GSTA1: variants seen among roughly 807,000 people sequenced by gnomAD.
GSTA1 encodes the protein glutathione S-transferase alpha 1.
In GSTA1, 23 loss-of-function variants were observed where a neutral mutation model predicts 21.5. The observed-to-expected ratio is 1.07, with a 90% CI of 0.77 to 1.52. The LOEUF (loss-of-function observed/expected upper bound fraction) is 1.52. Among genes scored for constraint, GSTA1 ranks in the 40% most tolerant of loss-of-function variants. The probability of loss-of-function intolerance (pLI) is 0.00; values close to 1 mark genes in which losing one functional copy is unlikely to be tolerated. For synonymous variants in GSTA1, 125 were observed against 90.0 expected (o/e 1.39, Z -2.20); for missense variants, 301 against 264.2 (o/e 1.14, Z -0.96).
intron 1 of GSTA1, among the ~76,000 whole-genome samples, chr6:52,802,578 T>C (rs1338566657): frequency 6.6e-6 from 1 of 152,218 alleles, no homozygotes; most frequent in Non-Finnish European, 1.5e-5. Flanking sequence ...GGATCCTCTT[T>C]CTTTGATCTA....
chr6:52,800,141 G>C (rs540178281), intron 1 of GSTA1, among the ~76,000 whole-genome samples: 9 of 152,314 alleles, frequency 5.9e-5, no homozygotes, highest in African/African-American at 1.4e-4. Context: ...GCTAGCATTT[G>C]TTCAACATCA....
At chr6:52,803,276 G>C (rs1300091181) in intron 1 of GSTA1, among the ~76,000 whole-genome samples, 1 of 152,260 alleles carries the variant, frequency 6.6e-6, no homozygotes, top group East Asian at 1.9e-4. Flanking sequence ...GACAGAATAT[G>C]ACTTGTCTTT....
At chr6:52,798,592 T>A (rs1763640483) in intron 2 of GSTA1, among the ~76,000 whole-genome samples, 1 of 115,540 alleles carries the variant, frequency 8.7e-6, no homozygotes, top group Non-Finnish European at 1.7e-5. Context: ...TTTTTTATTG[T>A]GGAAATTATG....
At position 52,796,574 on chromosome 6, in the gene GSTA1, C is replaced by A. The variant is rs1345813026; in HGVS notation, c.140-260G>T. Among the ~76,000 whole-genome samples, 11 of 111,918 alleles carry A rather than the reference C, an allele frequency of 9.8e-5. No homozygotes were observed. In the East Asian group the frequency reaches 1.3e-3, roughly 13 times the overall value. 73.4% of individuals were successfully genotyped at this position (111,918 alleles called of 152,430 possible). ...TTTTTTTTTTTTTTTGGCAGAGTAT[C>A]ATTCTGTCACCCAGGCTGGAGTGGA... On this transcript the variant is annotated intron_variant, in intron 3 of 6. Coordinates refer to ENST00000334575, the MANE Select transcript of GSTA1 (RefSeq NM_145740.5).
At chr6:52,800,484 G>C (rs1007073713) in intron 1 of GSTA1, among the ~76,000 whole-genome samples, 1 of 152,216 alleles carries the variant, frequency 6.6e-6, no homozygotes, top group Non-Finnish European at 1.5e-5. Flanking sequence ...TGAGTTGTTA[G>C]TTTCAGTTAT....
At chr6:52,794,540 C>T (rs976262155) in intron 4 of GSTA1, among the ~76,000 whole-genome samples, 5 of 152,166 alleles carry the variant, frequency 3.3e-5, no homozygotes, top group Non-Finnish European at 5.9e-5. Context: ...GAGAAATTGG[C>T]AGAATCACTG....
At chr6:52,795,670 C>T (rs1177658519) in intron 4 of GSTA1, among the ~76,000 whole-genome samples, 3 of 152,184 alleles carry the variant, frequency 2.0e-5, no homozygotes, top group Non-Finnish European at 2.9e-5. Flanking sequence ...GTAACCCCAG[C>T]ATCCTTGGTG....
intron 4 of GSTA1, among the ~76,000 whole-genome samples, 164 bp from the exon 5 acceptor site, chr6:52,794,430 A>C (rs1192765002): frequency 6.6e-6 from 1 of 152,178 alleles, no homozygotes. Flanking sequence ...CAGGTATATT[A>C]ACATTTATCT....
rs779346752 is a variant in GSTA1 at position 52,791,906 on chromosome 6, G to A, written c.621C>T (p.Pro207=). 6.2e-7 allele frequency: 1 copy of A among 1,613,944 alleles called. No homozygotes were observed. The highest frequency in any genetic ancestry group is 8.5e-7 in the Non-Finnish European group (1 of 1,179,862). ...CTTCTTCTAAAGATTTCTCATCCATGGGAGGCTTCCTTGGGCTGCCAGGCT... is the reference window on the plus strand; with the variant it reads ...CTTCTTCTAAAGATTTCTCATCCATAGGAGGCTTCCTTGGGCTGCCAGGCT... The part of the protein sequence containing the change: ...FLQPGSPRKP[P]MDEKSLEEAR... Residue 207 remains proline, a synonymous_variant, in exon 7 of 7, where the codon CCC becomes CCT. Transcript: ENST00000334575.
In GSTA1 at chr6:52,791,883, T is replaced by G. The variant is rs1475165143; in HGVS notation, c.644A>C (p.Glu215Ala). 1.2e-6 allele frequency: 2 copies of G among 1,613,900 alleles called. No homozygotes were observed. The highest frequency in any genetic ancestry group is 1.3e-5 in the African/African-American group (1 of 74,928). ...TTAAAACCTGAAAATCTTCCTTGCT[T>G]CTTCTAAAGATTTCTCATCCATGGG... is the stretch of plus-strand genomic sequence containing the variant. ...KPPMDEKSLEEARKIFRF is the reference protein window; with the variant it reads ...KPPMDEKSLEAARKIFRF The change falls in exon 7 of 7, where the codon GAA becomes GCA. Residue 215 changes from glutamate to alanine, a missense_variant. Coordinates refer to ENST00000334575, the MANE Select transcript of GSTA1 (RefSeq NM_145740.5).
rs1208952519 is a variant in GSTA1 at position 52,799,211 on chromosome 6, G to C, written c.57C>G (p.Thr19=). The change falls in exon 2 of 7, where the codon ACC becomes ACG. Residue 19 remains threonine (T), a synonymous_variant. Transcript: ENST00000334575. ...CTCCAGCTGCAGCCAGGAGCCACCG[G>C]GTGGACTCCATTCTGCCCCGTGCAT... ...YFNARGRMES[T]RWLLAAAGVE... The C allele has an allele frequency of 1.2e-6, 2 of 1,613,950 alleles. No individual in the cohort carries two copies. Among genetic ancestry groups the C allele is most frequent in the Non-Finnish European group, 1.7e-6 (2 of 1,179,892 alleles).
At chr6:52,798,264 T>C (rs1286989655) in intron 2 of GSTA1, among the ~76,000 whole-genome samples, 1 of 150,204 alleles carries the variant, frequency 6.7e-6, no homozygotes, top group East Asian at 2.0e-4. Context: ...AAACCTCTGG[T>C]TTCTGATGTG....
At chr6:52,799,140 A>T in intron 2 of GSTA1, 41 bp downstream of exon 2, 1 of 1,579,468 alleles carries the variant, frequency 6.3e-7, no homozygotes, top group Non-Finnish European at 8.7e-7. Flanking sequence ...GTGATAACAC[A>T]ATTTTAAATC....
intron 1 of GSTA1, among the ~76,000 whole-genome samples, chr6:52,799,992 A>G (rs1275967947): frequency 6.6e-6 from 1 of 152,228 alleles, no homozygotes; most frequent in Non-Finnish European, 1.5e-5. Context: ...TGTAGCTAGA[A>G]GATCCAAAAT....
In GSTA1 at chr6:52,799,055, T is replaced by G. The variant is rs1581797416; in HGVS notation, c.87+126A>C. ...TAGGTCAAATCTGTTCATCTTTTTC[T>G]TAATTACAGTCCATTTTTATTTAAG... On this transcript the variant is annotated intron_variant, in intron 2 of 6. Transcript: ENST00000334575. 1.6e-5 allele frequency: 14 copies of G among 870,044 alleles called. 1 individual carries two copies. In the South Asian group the frequency reaches 2.1e-4, roughly 13 times the overall value. The allele number at this position is 870,044 out of a possible 1,614,324, so 53.9% of individuals were successfully genotyped here.
chr6:52,796,009 A>G (rs1205777941), intron 4 of GSTA1, among the ~76,000 whole-genome samples, 173 bp downstream of exon 4: 1 of 151,932 alleles, frequency 6.6e-6, no homozygotes, highest in African/African-American at 2.4e-5. Context: ...AACCCTCCCC[A>G]TGTTCACTGT....
At chr6:52,792,618 T>C (rs1190498799) in intron 6 of GSTA1, 27 of 955,652 alleles carry the variant, frequency 2.8e-5, no homozygotes, top group Non-Finnish European at 3.8e-5. Context: ...GGCCCTGGGT[T>C]CTTTCCATAA....
intron 1 of GSTA1, among the ~76,000 whole-genome samples, chr6:52,800,393 G>T (rs555572452): frequency 3.3e-5 from 5 of 152,144 alleles, no homozygotes; most frequent in African/African-American, 1.2e-4. Context: ...GATTGTGAAA[G>T]CCCATTACTT....
intron 1 of GSTA1, among the ~76,000 whole-genome samples, chr6:52,801,615 A>G (rs762839926): frequency 2.9e-4 from 44 of 152,254 alleles, no homozygotes; most frequent in Non-Finnish European, 2.6e-4. Flanking sequence ...GATAACTAGC[A>G]TATCACTTTC....
Sources: allele counts gnomAD v4.1 joint callset (sites outside exome capture counted in the v4.1 genomes callset), GRCh38; gene constraint gnomAD v4.1.1; transcripts MANE v1.5; gene names NCBI Gene and HGNC (gene_info 2026-07-23, HGNC 2026-07-21).